The following CYP4B1 variants were observed in gnomAD, a reference collection of about 807,000 sequenced individuals.
CYP4B1 encodes cytochrome P450 4B1.
A neutral mutation model predicts 54.0 loss-of-function variants in CYP4B1; 45 were observed. The observed-to-expected ratio is 0.83, with a 90% CI of 0.66 to 1.07. CYP4B1 has a LOEUF of 1.07. Ranked by LOEUF, CYP4B1 falls within the 50% of genes least tolerant of loss-of-function variation. The pLI is 0.00. For missense variants in CYP4B1, 656 were observed against 655.4 expected, an observed-to-expected ratio of 1.00 and a Z score of -0.01; for synonymous variants, 248 against 247.5, an observed-to-expected ratio of 1.00 and a Z score of -0.02.
At chr1:46,817,672 G>T (rs17102599) in intron 9 of CYP4B1, among the ~76,000 whole-genome samples, 2,011 of 152,318 alleles carry the variant, frequency 0.013, 39 homozygotes, top group African/African-American at 0.045. Flanking sequence ...AGCTGAAAAG[G>T]TTTAATAGTT....
chr1:46,806,513 T>C (rs2405335), intron 1 of CYP4B1, among the ~76,000 whole-genome samples: 38,536 of 152,094 alleles, frequency 0.25, 5,301 homozygotes, highest in African/African-American at 0.37. Context: ...CCTTAACTCA[T>C]GCTGGACTGT....
chr1:46,817,329 A>G lies in CYP4B1; in HGVS notation c.1207+148A>G, dbSNP rs1679377677. 6.0e-6 allele frequency: 5 copies of G among 838,562 alleles called. No individual in the cohort carries two copies. In the Admixed American group the frequency reaches 1.1e-4, roughly 19 times the overall value. 51.9% of individuals were successfully genotyped at this position (838,562 alleles called of 1,614,324 possible). A position where few individuals can be genotyped will look rare whatever the true frequency, so the allele number is the denominator to read the frequency against. On this transcript the variant is annotated intron_variant, in intron 9 of 11. Transcript: ENST00000371923. ...TGGGTCTAAATCCCAGCCCCACAACATATTGATCAATTCTTCTACCTCTGA... is the reference window on the plus strand; with the variant it reads ...TGGGTCTAAATCCCAGCCCCACAACGTATTGATCAATTCTTCTACCTCTGA...
chr1:46,812,622 T>C lies in CYP4B1; in HGVS notation c.494T>C (p.Leu165Pro). ...TTCACTGAGTCTACACGTATCATGC[T>C]GGTGAGCTCCCTGTGCCAGAGTACT... is the stretch of plus-strand genomic sequence containing the variant. ...AVFTESTRIM[L>P]DKWEEKAREG... Residue 165 changes from leucine to proline, a missense_variant and splice_region_variant, in exon 4 of 12, where the codon CTG becomes CCG. Transcript: ENST00000371923. The C allele has an allele frequency of 6.2e-7, 1 of 1,613,438 alleles. No homozygotes were observed. Among genetic ancestry groups the C allele is most frequent in the East Asian group, 2.2e-5 (1 of 44,866 alleles).
chr1:46,811,141 C>A lies in CYP4B1; in HGVS notation c.324C>A (p.Asp108Glu). The A allele has an allele frequency of 1.9e-6, 3 of 1,614,160 alleles. No individual in the cohort carries two copies. Among genetic ancestry groups the A allele is most frequent in the Non-Finnish European group, 1.7e-6 (2 of 1,180,032 alleles). ...TGACCTGATTGTCTCCTCCTGCAGA[C>A]CCTAAGGCCCCTGATGTGTATGACT... is the stretch of plus-strand genomic sequence containing the variant. ...DYAKAVYSRG[D>E]PKAPDVYDFF... Residue 108 changes from aspartate to glutamate, a missense_variant and splice_region_variant, in exon 3 of 12, where the codon GAC (aspartate) becomes GAA (glutamate). Physicochemically the swap from Asp to Glu is conservative, Grantham distance 45 (BLOSUM62 2). Transcript: ENST00000371923.
At chr1:46,814,342 C>T (rs938141213) in intron 7 of CYP4B1, 27 bp downstream of exon 7, 4 of 1,561,542 alleles carry the variant, frequency 2.6e-6, no homozygotes, top group Non-Finnish European at 3.5e-6. Context: ...CCACCCCTAC[C>T]TGAGGACTGG....
intron 3 of CYP4B1, among the ~76,000 whole-genome samples, chr1:46,811,858 G>A (rs1679112840): frequency 6.6e-6 from 1 of 152,204 alleles, no homozygotes; most frequent in Non-Finnish European, 1.5e-5. Context: ...GCAGGGCCAA[G>A]AGGGAGAACA....
intron 1 of CYP4B1, among the ~76,000 whole-genome samples, chr1:46,802,435 A>G (rs1678698914): frequency 6.6e-6 from 1 of 152,170 alleles, no homozygotes; most frequent in South Asian, 2.1e-4. Flanking sequence ...CAAAGTGGAG[A>G]TAATCATTTT....
At position 46,814,042 on chromosome 1, in the gene CYP4B1, C is replaced by A; in HGVS notation, c.754C>A (p.Gln252Lys). ...TGGCCGCCGCTTCCTGCGGGCCTGC[C>A]AGGTGGCCCATGACCATACAGGTGG... ...PHGRRFLRACQVAHDHTDQVI... is the reference protein window; with the variant it reads ...PHGRRFLRACKVAHDHTDQVI... The change falls in exon 6 of 12, where the codon CAG becomes AAG. Residue 252 changes from glutamine to lysine, a missense_variant. Physicochemically the swap from Gln to Lys is moderately conservative, Grantham distance 53 (BLOSUM62 1). Transcript: ENST00000371923. 1.2e-6 allele frequency: 2 copies of A among 1,614,114 alleles called. No individual in the cohort carries two copies. The highest frequency in any genetic ancestry group is 1.7e-6 in the Non-Finnish European group (2 of 1,180,010).
chr1:46,800,477 C>T (rs1243672371), intron 1 of CYP4B1, among the ~76,000 whole-genome samples: 5 of 151,854 alleles, frequency 3.3e-5, no homozygotes, highest in East Asian at 3.9e-4. Flanking sequence ...ACCACAGGCA[C>T]GCGCCACCAT....
chr1:46,811,056 G>C (rs2297812), intron 2 of CYP4B1, 84 bp from the exon 3 acceptor site: 584,518 of 1,601,026 alleles, frequency 0.37, 112,415 homozygotes, highest in African/African-American at 0.65. Context: ...TAAGTCTGCG[G>C]AGCTGAGGTT....
Position 46,813,551 on chromosome 1 carries a change from C to T in CYP4B1, c.565C>T (p.Leu189=). The T allele has an allele frequency of 1.2e-6, 2 of 1,614,198 alleles. No homozygotes were observed. The highest frequency in any genetic ancestry group is 2.7e-5 in the African/African-American group (2 of 75,066). Residue 189 remains leucine, a synonymous_variant, in exon 5 of 12, where the codon CTG becomes TTG. Coordinates refer to ENST00000371923, the MANE Select transcript of CYP4B1 (RefSeq NM_001099772.2). ...DIFCDVGHMA[L]NTLMKCTFGR... ...CTTCTGCGATGTGGGTCACATGGCG[C>T]TGAACACACTCATGAAGTGCACCTT...
At chr1:46,811,253 G>T in intron 3 of CYP4B1, 69 bp downstream of exon 3, 1 of 1,514,236 alleles carries the variant, frequency 6.6e-7, no homozygotes, top group South Asian at 1.1e-5. Flanking sequence ...TAGGATCCTG[G>T]CCTGTCCCAC....
chr1:46,805,395 A>G (rs1266567284), intron 1 of CYP4B1, among the ~76,000 whole-genome samples: 2 of 152,212 alleles, frequency 1.3e-5, no homozygotes, highest in Non-Finnish European at 2.9e-5. Context: ...GCCCATCATC[A>G]CTTCCTAGCC....
intron 1 of CYP4B1, among the ~76,000 whole-genome samples, chr1:46,800,197 C>CTT (rs1553130097): frequency 3.5e-5 from 1 of 28,858 alleles, no homozygotes; most frequent in African/African-American, 5.7e-5. Context: ...TTCTTTCTTT[C>CTT]TCTTTCTTTC....
chr1:46,817,880 G>A, intron 9 of CYP4B1, 85 bp from the exon 10 acceptor site: 1 of 1,197,984 alleles, frequency 8.3e-7, no homozygotes, highest in Non-Finnish European at 1.2e-6. Context: ...CCCAGTTAAG[G>A]GGTCACTAGG....
chr1:46,801,657 G>C (rs1678667469), intron 1 of CYP4B1, among the ~76,000 whole-genome samples: 1 of 152,186 alleles, frequency 6.6e-6, no homozygotes, highest in African/African-American at 2.4e-5. Context: ...CTCTGTTCTT[G>C]CCTGGATTCA....
rs775080256 is a variant in CYP4B1, at chr1:46,818,025, C to T, written c.1268C>T (p.Pro423Leu). ...LHRNSAVWPDPEVFDSLRFST... is the reference protein window; with the variant it reads ...LHRNSAVWPDLEVFDSLRFST... ...AGGAACAGTGCTGTATGGCCCGACC[C>T]TGAGGTACCCTTTCCCTGGGCTGGG... is the stretch of plus-strand genomic sequence containing the variant. The change falls in exon 10 of 12, where the codon CCT becomes CTT. Residue 423 changes from proline (P) to leucine (L), a missense_variant. Transcript: ENST00000371923. The T allele has an allele frequency of 1.5e-5, 24 of 1,614,060 alleles. No individual in the cohort carries two copies. The Middle Eastern group carries it at 1.3e-3, about 88-fold the overall frequency.
At chr1:46,810,092 C>G (rs907414399) in intron 1 of CYP4B1, among the ~76,000 whole-genome samples, 1 of 152,150 alleles carries the variant, frequency 6.6e-6, no homozygotes, top group Non-Finnish European at 1.5e-5. Context: ...TTTCTGTTTT[C>G]TCACCTGGAA....
Position 46,818,003 on chromosome 1 carries a change from A to G in CYP4B1, c.1246A>G (p.Asn416Asp). The change falls in exon 10 of 12, where the codon AAC (asparagine) becomes GAC (aspartate). Residue 416 changes from asparagine (N) to aspartate (D), a missense_variant. Asn to Asp is a conservative substitution (Grantham distance 23, BLOSUM62 1). Coordinates refer to ENST00000371923, the MANE Select transcript of CYP4B1 (RefSeq NM_001099772.2). ...TATGCATATCTATGCCCTCCATAGG[A>G]ACAGTGCTGTATGGCCCGACCCTGA... ...ISMHIYALHR[N>D]SAVWPDPEVF... The G allele has an allele frequency of 6.2e-7, 1 of 1,614,160 alleles. No homozygotes were observed. The highest frequency in any genetic ancestry group is 8.5e-7 in the Non-Finnish European group (1 of 1,180,016).
Sources: allele counts gnomAD v4.1 joint callset (sites outside exome capture counted in the v4.1 genomes callset), GRCh38; gene constraint gnomAD v4.1.1; transcripts MANE v1.5; gene names NCBI Gene and HGNC (gene_info 2026-07-23, HGNC 2026-07-21).